Variants in UBASH3B observed in about 807,000 individuals in gnomAD.
UBASH3B encodes the protein ubiquitin-associated and SH3 domain-containing protein B.
UBASH3B carries 37 observed loss-of-function variants against 83.4 expected under a neutral mutation model. The ratio of observed to expected loss-of-function variants is 0.44; its 90% confidence interval spans 0.34 to 0.58. The LOEUF (loss-of-function observed/expected upper bound fraction) is 0.58. UBASH3B is among the 20% of genes least tolerant of loss of function. The pLI, the probability that UBASH3B is intolerant of heterozygous loss-of-function variation, is 0.01. For synonymous variants in UBASH3B, 304 were observed against 318.3 expected, an observed-to-expected ratio of 0.96 and a Z score of 0.48; for missense variants, 657 against 827.2, an observed-to-expected ratio of 0.79 and a Z score of 2.52.
At chr11:122,784,438 T>C (rs1011168198) in intron 5 of UBASH3B, among the ~76,000 whole-genome samples, 10 of 152,204 alleles carry the variant, frequency 6.6e-5, no homozygotes, top group African/African-American at 2.4e-4. Context: ...GGCAGGAGTA[T>C]TGCTTGAGAC....
At chr11:122,805,976 G>A (rs186422038) in intron 11 of UBASH3B, among the ~76,000 whole-genome samples, 94 of 152,310 alleles carry the variant, frequency 6.2e-4, no homozygotes, top group African/African-American at 2.1e-3. Flanking sequence ...TGATAAACTC[G>A]CAAAGAATCA....
rs759076080 is a variant in UBASH3B, at chr11:122,801,349, G to A, written c.1595+17G>A. ...AACCTACAGGTAAGCCTCGGAAACT[G>A]CTGCTTACTGAGGCCAGTGTGGAAG... On this transcript the variant is annotated intron_variant, in intron 11 of 13. Coordinates refer to ENST00000284273, the MANE Select transcript of UBASH3B (RefSeq NM_032873.5). 3 of 1,612,314 alleles carry A rather than the reference G, an allele frequency of 1.9e-6. No individual in the cohort carries two copies. The highest frequency in any genetic ancestry group is 2.5e-6 in the Non-Finnish European group (3 of 1,179,800).
chr11:122,715,237 G>GTA (rs1223481883), intron 1 of UBASH3B, among the ~76,000 whole-genome samples: 2 of 151,856 alleles, frequency 1.3e-5, no homozygotes, highest in African/African-American at 4.8e-5. Context: ...GAGCCACTGC[G>GTA]CCCAGCCGAG....
Position 122,797,053 on chromosome 11 carries a change from T to C in UBASH3B, c.1357+20T>C. The C allele has an allele frequency of 6.3e-7, 1 of 1,574,836 alleles. No homozygotes were observed. The highest frequency in any genetic ancestry group is 8.6e-7 in the Non-Finnish European group (1 of 1,161,436). On this transcript the variant is annotated intron_variant, in intron 9 of 13. Transcript: ENST00000284273. The stretch of plus-strand genomic sequence containing the variant: ...TAGTGGGTAAGTATCCTGGAGTGAC[T>C]GCACTCCAGGCATTTCTTGCCTCCT...
chr11:122,761,593 G>A (rs1277108191), intron 1 of UBASH3B, among the ~76,000 whole-genome samples: 2 of 152,112 alleles, frequency 1.3e-5, no homozygotes, highest in African/African-American at 2.4e-5. Flanking sequence ...GTTAGCCAGA[G>A]TCTCCTATGT....
At chr11:122,698,732 C>T (rs547298614) in intron 1 of UBASH3B, among the ~76,000 whole-genome samples, 2 of 152,264 alleles carry the variant, frequency 1.3e-5, no homozygotes, top group East Asian at 3.9e-4. Flanking sequence ...ATCCACCCGA[C>T]ACCCAGCACT....
At chr11:122,678,886 T>C (rs1320953310) in intron 1 of UBASH3B, among the ~76,000 whole-genome samples, 1 of 152,172 alleles carries the variant, frequency 6.6e-6, no homozygotes, top group African/African-American at 2.4e-5. Context: ...TAATCCTGGG[T>C]AATTCATTTG....
At chr11:122,713,312 G>A (rs868339592) in intron 1 of UBASH3B, among the ~76,000 whole-genome samples, 4 of 152,100 alleles carry the variant, frequency 2.6e-5, no homozygotes, top group Non-Finnish European at 4.4e-5. Context: ...GCCACACGAC[G>A]AAGAGAGGCT....
At chr11:122,659,215 G>T (rs555950047) in intron 1 of UBASH3B, among the ~76,000 whole-genome samples, 3 of 152,054 alleles carry the variant, frequency 2.0e-5, no homozygotes, top group African/African-American at 7.3e-5. Flanking sequence ...TGTATAAGGC[G>T]GCATTCACAG....
In UBASH3B at chr11:122,809,812, G is replaced by A. The variant is rs780711935; in HGVS notation, c.1876G>A (p.Asp626Asn). 13 of 1,614,004 alleles carry A rather than the reference G, an allele frequency of 8.1e-6. No individual in the cohort carries two copies. In the African/African-American group the frequency reaches 1.7e-4, roughly 22 times the overall value. The part of the protein sequence containing the change: ...LGETGIWQLT[D>N]PPILPLTHGP... ...AGAAACTGGAATATGGCAGCTGACA[G>A]ATCCACCAATCCTTCCTCTTACCCA... The change falls in exon 14 of 14, where the codon GAT becomes AAT. Residue 626 changes from aspartate to asparagine, a missense_variant. Physicochemically the swap from Asp to Asn is conservative, Grantham distance 23 (BLOSUM62 1). Around this residue, in one of 3 missense-constraint regions of UBASH3B, gnomAD observed 573 missense variants for 739.0 expected, o/e 0.78. Coordinates refer to ENST00000284273, the MANE Select transcript of UBASH3B (RefSeq NM_032873.5).
chr11:122,799,719 AATC>A (rs1171528754), intron 10 of UBASH3B, among the ~76,000 whole-genome samples: 6 of 152,296 alleles, frequency 3.9e-5, no homozygotes, highest in Admixed American at 1.3e-4. Context: ...CTCAAATCTT[AATC>A]ATCATTTTTT....
At chr11:122,660,666 T>C (rs1246855777) in intron 1 of UBASH3B, among the ~76,000 whole-genome samples, 1 of 152,206 alleles carries the variant, frequency 6.6e-6, no homozygotes, top group Non-Finnish European at 1.5e-5. Context: ...CTTCTGTAGC[T>C]TGGGGCTGAT....
intron 13 of UBASH3B, 69 bp downstream of exon 13, chr11:122,808,245 T>C (rs1186881920): frequency 1.6e-6 from 2 of 1,227,414 alleles, no homozygotes; most frequent in East Asian, 2.3e-5. Context: ...GACTGGCTGA[T>C]TACCAAGTTC....
intron 13 of UBASH3B, among the ~76,000 whole-genome samples, chr11:122,809,257 G>C (rs12287306): frequency 0.06 from 9,149 of 152,030 alleles, 601 homozygotes; most frequent in African/African-American, 0.16. Flanking sequence ...TGTATTTTTA[G>C]TATAGATGAG....
chr11:122,698,857 T>C (rs940103448), intron 1 of UBASH3B, among the ~76,000 whole-genome samples: 3 of 152,152 alleles, frequency 2.0e-5, no homozygotes, highest in Non-Finnish European at 4.4e-5. Flanking sequence ...ATTTTATTTA[T>C]TTATTTATTT....
At chr11:122,679,740 A>G (rs141360520) in intron 1 of UBASH3B, among the ~76,000 whole-genome samples, 1,634 of 152,354 alleles carry the variant, frequency 0.011, 16 homozygotes, top group African/African-American at 0.028. Context: ...CTGTGTTCCA[A>G]TGAAAGTTTA....
At chr11:122,699,531 CT>C (rs1864009401) in intron 1 of UBASH3B, among the ~76,000 whole-genome samples, 2 of 107,866 alleles carry the variant, frequency 1.9e-5, no homozygotes, top group African/African-American at 3.5e-5. Context: ...TTCTTTCTTT[CT>C]CTTTCTTTCT....
At chr11:122,721,299 C>G (rs146316088) in intron 1 of UBASH3B, among the ~76,000 whole-genome samples, 1 of 145,312 alleles carries the variant, frequency 6.9e-6, no homozygotes, top group Non-Finnish European at 1.5e-5. Flanking sequence ...GTTTCTACAA[C>G]AGATGCTGAC....
chr11:122,701,614 A>G (rs1197936295), intron 1 of UBASH3B, among the ~76,000 whole-genome samples: 1 of 152,148 alleles, frequency 6.6e-6, no homozygotes, highest in African/African-American at 2.4e-5. Context: ...TTGCATTGGC[A>G]TACGGTCCTG....
Sources: gnomAD v4.1 joint callset for allele counts (sites outside exome capture counted in the v4.1 genomes callset) on GRCh38, gnomAD v4.1.1 for gene constraint, gnomAD v4.1.1 regional missense constraint, MANE v1.5 for transcripts, NCBI Gene and HGNC (gene_info 2026-07-23, HGNC 2026-07-21) for gene names.